Variants in MGST1 observed in about 807,000 individuals in gnomAD.
MGST1 encodes the protein glutathione S-transferase 12.
Under a neutral mutation model 8.9 loss-of-function variants are expected in MGST1, and 5 were observed. That is an observed-to-expected ratio of 0.56 (90% confidence interval 0.29 to 1.19). MGST1 has a LOEUF of 1.19. Ranked by LOEUF, MGST1 falls within the 50% of genes most tolerant of loss-of-function variation. MGST1 has a pLI of 0.08. For missense variants in MGST1, 182 were observed against 187.4 expected (o/e 0.97, Z 0.17); for synonymous variants, 54 against 67.8 (o/e 0.80, Z 1.00).
chr12:16,578,909 C>A (rs11834084), intron 4 of MGST1, among the ~76,000 whole-genome samples: 8,483 of 152,036 alleles, frequency 0.056, 796 homozygotes, highest in African/African-American at 0.19. Flanking sequence ...ATTCATGGTT[C>A]TATACTTAAC....
chr12:16,435,994 C>CACACACACAA (rs1489530678), intron 1 of MGST1, among the ~76,000 whole-genome samples: 3 of 150,218 alleles, frequency 2.0e-5, no homozygotes, highest in African/African-American at 7.3e-5. Flanking sequence ...GCTGCAAATA[C>CACACACACAA]ACACACACAC....
At chr12:16,454,017 A>G (rs537002338) in intron 4 of MGST1, among the ~76,000 whole-genome samples, 3 of 152,066 alleles carry the variant, frequency 2.0e-5, no homozygotes, top group South Asian at 4.1e-4. Flanking sequence ...AAGAAAAGGG[A>G]TGTTTAACAT....
chr12:16,502,917 G>T (rs1177663101), intron 4 of MGST1, among the ~76,000 whole-genome samples: 1 of 152,204 alleles, frequency 6.6e-6, no homozygotes, highest in East Asian at 1.9e-4. Flanking sequence ...CCTAGGCATA[G>T]ATTCTGGAAC....
In MGST1 at chr12:16,410,400, G is replaced by A. The variant is rs1037286000; in HGVS notation, n.778+26796G>A. On this transcript the variant is annotated intron_variant and non_coding_transcript_variant, in intron 1 of 1. Coordinates refer to the MGST1 transcript ENST00000359720. The surrounding 1 kb of genome is among the most constrained non-coding windows in gnomAD (Gnocchi z 4.4). ...ATCTCTCCAGTTCAAGTTCCCACCA[G>A]TTCTCACCCGAATTGCTGCAATAGC... is the stretch of plus-strand genomic sequence containing the variant. Among the ~76,000 whole-genome samples the A allele has an allele frequency of 3.3e-5, 5 of 151,812 alleles. No homozygotes were observed. The highest frequency in any genetic ancestry group is 5.9e-5 in the Non-Finnish European group (4 of 67,982).
At chr12:16,516,676 C>T (rs987199966) in intron 4 of MGST1, among the ~76,000 whole-genome samples, 2 of 152,080 alleles carry the variant, frequency 1.3e-5, no homozygotes, top group African/African-American at 4.8e-5. Context: ...CTCTCAGAAG[C>T]TTCTAGGTGA....
intron 4 of MGST1, among the ~76,000 whole-genome samples, chr12:16,453,317 A>C (rs185378252): frequency 2.9e-4 from 44 of 152,062 alleles, no homozygotes; most frequent in African/African-American, 9.6e-4. Context: ...GCTTTTCCTT[A>C]ACATTTATTC....
Position 16,513,771 on chromosome 12 carries a change from G to T in MGST1, n.483-75757G>T. The T allele has an allele frequency of 1.7e-6, 1 of 586,724 alleles. No homozygotes were observed. Among genetic ancestry groups the T allele is most frequent in the South Asian group, 1.4e-5 (1 of 71,704 alleles). The allele number at this position is 586,724 out of a possible 1,614,324, so 36.3% of individuals were successfully genotyped here. ...AAAGTGGCCGGTTTGTCACTGTGCAGACCATTTCTGGAACTAGTGCCTTAA... is the reference window on the plus strand; with the variant it reads ...AAAGTGGCCGGTTTGTCACTGTGCATACCATTTCTGGAACTAGTGCCTTAA... On this transcript the variant is annotated intron_variant and non_coding_transcript_variant, in intron 4 of 4. Coordinates refer to the MGST1 transcript ENST00000538857. This position sits in a 1 kb window ranked among gnomAD's most constrained non-coding sequence, Gnocchi z 4.2.
intron 4 of MGST1, among the ~76,000 whole-genome samples, chr12:16,577,902 TTA>T (rs1242061912): frequency 2.6e-5 from 4 of 152,216 alleles, no homozygotes; most frequent in African/African-American, 7.2e-5. Flanking sequence ...ACAAATTATT[TTA>T]TGTGACATTT....
At chr12:16,367,756 C>A (rs866979262), downstream of MGST1, among the ~76,000 whole-genome samples, 1 of 152,282 alleles carries the variant, frequency 6.6e-6, no homozygotes, top group Middle Eastern at 3.4e-3. Context: ...AACTTAAAAC[C>A]TCAGTCTATT....
chr12:16,431,985 T>G (rs1940942922), intron 1 of MGST1, among the ~76,000 whole-genome samples: 1 of 152,216 alleles, frequency 6.6e-6, no homozygotes, highest in African/African-American at 2.4e-5. Context: ...TCTTCTTTAA[T>G]CCATTTGAGA....
chr12:16,436,662 G>A (rs1201970829), intron 1 of MGST1, among the ~76,000 whole-genome samples: 1 of 151,974 alleles, frequency 6.6e-6, no homozygotes, highest in Non-Finnish European at 1.5e-5. Flanking sequence ...GCTGTTTTAA[G>A]TTTTTAAATG....
downstream of MGST1, among the ~76,000 whole-genome samples, chr12:16,439,212 G>C (rs1299654228): frequency 6.6e-6 from 1 of 151,532 alleles, no homozygotes; most frequent in Non-Finnish European, 1.5e-5. Context: ...TGCATTTATT[G>C]GATATAAAGT....
intron 4 of MGST1, among the ~76,000 whole-genome samples, chr12:16,471,895 A>G (rs188713943): frequency 6.6e-6 from 1 of 150,402 alleles, no homozygotes; most frequent in Non-Finnish European, 1.5e-5. Flanking sequence ...ATACTTACCA[A>G]GTGTAGAGCT....
chr12:16,534,770 C>A (rs1941744628), intron 4 of MGST1, among the ~76,000 whole-genome samples: 1 of 147,180 alleles, frequency 6.8e-6, no homozygotes, highest in South Asian at 2.2e-4. Flanking sequence ...TCAACTTGAA[C>A]GTTCTTTTTT....
intron 4 of MGST1, among the ~76,000 whole-genome samples, chr12:16,444,182 G>GTTT (rs1410059091): frequency 8.1e-5 from 11 of 135,050 alleles, no homozygotes; most frequent in East Asian, 2.5e-4. Flanking sequence ...TGGCTGATTT[G>GTTT]GTTTTTTTTT....
At chr12:16,488,464 C>G (rs1018496070) in intron 4 of MGST1, among the ~76,000 whole-genome samples, 3 of 152,166 alleles carry the variant, frequency 2.0e-5, no homozygotes, top group Admixed American at 6.5e-5. Context: ...GTCCAAGATG[C>G]TTTTCCTCTT....
At chr12:16,456,258 T>G (rs1307271879) in intron 4 of MGST1, among the ~76,000 whole-genome samples, 1 of 151,902 alleles carries the variant, frequency 6.6e-6, no homozygotes, top group African/African-American at 2.4e-5. Context: ...AGTCGATAGC[T>G]AATTCTTGTA....
rs1940060371 is a variant in MGST1, at chr12:16,362,812, A to G, written c.222-983A>G. 6.6e-6 allele frequency: 1 copy of G among 152,170 alleles called. No homozygotes were observed. Among genetic ancestry groups the G allele is most frequent in the African/African-American group, 2.4e-5 (1 of 41,412 alleles). 9.4% of individuals were successfully genotyped at this position (152,170 alleles called of 1,614,324 possible). ...AGAAAATTTAAAAAATTAGCCAGGC[A>G]TGGTGGTGAGGCCTGTAGTCCCAGC... On this transcript the variant is annotated intron_variant, in intron 3 of 3. Coordinates refer to ENST00000396210, the MANE Select transcript of MGST1 (RefSeq NM_020300.5). The surrounding 1 kb of genome is among the most constrained non-coding windows in gnomAD (Gnocchi z 4.4).
chr12:16,373,180 A>C (rs1227740204), intron 3 of MGST1, among the ~76,000 whole-genome samples: 1 of 151,734 alleles, frequency 6.6e-6, no homozygotes, highest in Non-Finnish European at 1.5e-5. Context: ...GTTCTCACTC[A>C]TATGTGGGAG....
Sources: gnomAD v4.1 joint callset for allele counts (sites outside exome capture counted in the v4.1 genomes callset) on GRCh38, gnomAD v4.1.1 for gene constraint, Gnocchi (gnomAD v3.1) non-coding constraint, MANE v1.5 for transcripts, NCBI Gene and HGNC (gene_info 2026-07-23, HGNC 2026-07-21) for gene names.